IL1RAPL2: variants seen among roughly 807,000 people sequenced by gnomAD.
The protein encoded by IL1RAPL2 is interleukin 1 receptor accessory protein like 2.
IL1RAPL2 carries 3 observed loss-of-function variants against 44.1 expected under a neutral mutation model. The ratio of observed to expected loss-of-function variants is 0.07; its 90% CI spans 0.03 to 0.18. The LOEUF (loss-of-function observed/expected upper bound fraction) is 0.18. IL1RAPL2 is among the 10% of genes least tolerant of loss of function. The pLI is 1.00. For synonymous variants in IL1RAPL2, 181 were observed against 178.8 expected, an observed-to-expected ratio of 1.01 and a Z score of -0.10; for missense variants, 391 against 496.4, an observed-to-expected ratio of 0.79 and a Z score of 2.02.
chrX:105,220,985 G>A (rs2033957281), intron 3 of IL1RAPL2, among the ~76,000 whole-genome samples: 1 of 112,146 alleles, frequency 8.9e-6, no homozygotes, highest in South Asian at 3.7e-4. Context: ...CCTAGAGGTT[G>A]AAGGGGGAAT....
Position 104,988,207 on chromosome X carries a change from C to G in IL1RAPL2, c.83-207268C>G, listed in dbSNP as rs745767473. Among the ~76,000 whole-genome samples, 7 of 112,358 alleles carry G rather than the reference C, an allele frequency of 6.2e-5. No homozygotes were observed. In the South Asian group the frequency reaches 2.6e-3, roughly 41 times the overall value. On this transcript the variant is annotated intron_variant, in intron 2 of 10. Transcript: ENST00000372582. ...TGTTTTCATCACTGTCACATCAACT[C>G]AGCATTTTCTTGTCATCTTTCAGTT... is the stretch of plus-strand genomic sequence containing the variant.
At chrX:104,748,243 C>G (rs982577049) in intron 2 of IL1RAPL2, among the ~76,000 whole-genome samples, 1 of 111,559 alleles carries the variant, frequency 9.0e-6, no homozygotes, top group Non-Finnish European at 1.9e-5. Flanking sequence ...GGTAAGGATT[C>G]AATCTTTGAA....
chrX:104,826,751 CTT>C (rs1402442589), intron 2 of IL1RAPL2, among the ~76,000 whole-genome samples: 1 of 109,976 alleles, frequency 9.1e-6, no homozygotes, highest in African/African-American at 3.3e-5. Flanking sequence ...GTCTAAGTCT[CTT>C]TGTAGGTCTT....
intron 5 of IL1RAPL2, among the ~76,000 whole-genome samples, chrX:105,445,454 T>C (rs2035948217): frequency 9.0e-6 from 1 of 111,630 alleles, no homozygotes; most frequent in African/African-American, 3.3e-5. Flanking sequence ...TTTGGTTTGC[T>C]CTCACTTTTG....
At chrX:105,707,638 G>A (rs2038175778) in intron 6 of IL1RAPL2, among the ~76,000 whole-genome samples, 1 of 111,819 alleles carries the variant, frequency 8.9e-6, no homozygotes, top group Non-Finnish European at 1.9e-5. Flanking sequence ...CACTTACAAT[G>A]TTTGTGGCTT....
At chrX:105,214,074 A>G (rs1254369921) in intron 3 of IL1RAPL2, among the ~76,000 whole-genome samples, 1 of 105,178 alleles carries the variant, frequency 9.5e-6, no homozygotes. Context: ...AATGTGCAAA[A>G]TAACCGGCCA....
At chrX:104,882,950 C>T (rs1275964229) in intron 2 of IL1RAPL2, among the ~76,000 whole-genome samples, 8 of 111,215 alleles carry the variant, frequency 7.2e-5, no homozygotes, top group East Asian at 5.7e-4. Context: ...CGAAGGTCTG[C>T]GGCTTCACTC....
intron 3 of IL1RAPL2, among the ~76,000 whole-genome samples, chrX:105,215,557 C>T (rs1483370749): frequency 8.9e-6 from 1 of 112,061 alleles, no homozygotes; most frequent in East Asian, 2.8e-4. Context: ...ACCATTTCTT[C>T]TGCAACTATT....
chrX:105,730,652 C>A, intron 7 of IL1RAPL2, among the ~76,000 whole-genome samples: 1 of 111,039 alleles, frequency 9.0e-6, no homozygotes, highest in Middle Eastern at 4.6e-3. Context: ...AAATTGAAAT[C>A]ATATCAAGTA....
chrX:105,635,134 T>C (rs878960719), intron 6 of IL1RAPL2, among the ~76,000 whole-genome samples: 2 of 111,584 alleles, frequency 1.8e-5, no homozygotes, highest in Admixed American at 1.9e-4. Context: ...GTTTAGAGGA[T>C]TGCAAATGGT....
At chrX:104,855,681 G>GTTTTTTTTTTTTTTTTTTTTTTTTTT (rs1556002120) in intron 2 of IL1RAPL2, among the ~76,000 whole-genome samples, 2 of 53,863 alleles carry the variant, frequency 3.7e-5, no homozygotes, top group African/African-American at 1.2e-4. Context: ...ATCTGGATCC[G>GTTTTTTTTTTTTTTTTTTTTTTTTTT]TTTTTTTTTT....
At position 104,781,842 on chromosome X, in the gene IL1RAPL2, G is replaced by A. The variant is rs1026337895; in HGVS notation, c.82+122847G>A. Among the ~76,000 whole-genome samples, 26 of 111,716 alleles carry A rather than the reference G, an allele frequency of 2.3e-4. 1 individual carries two copies. In the Admixed American group the frequency reaches 2.5e-3, roughly 11 times the overall value. ...GTGGTCCAAATGTTGGTTTTCCCCC[G>A]AAATTCACATGTTGGAACCTAATAC... On this transcript the variant is annotated intron_variant, in intron 2 of 10. Coordinates refer to ENST00000372582, the MANE Select transcript of IL1RAPL2 (RefSeq NM_017416.2).
chrX:105,359,546 A>C (rs1465957959), intron 5 of IL1RAPL2, among the ~76,000 whole-genome samples: 1 of 111,094 alleles, frequency 9.0e-6, no homozygotes, highest in East Asian at 2.8e-4. Flanking sequence ...CCATGAAAAC[A>C]GTATTAGAGC....
intron 2 of IL1RAPL2, among the ~76,000 whole-genome samples, chrX:104,983,305 T>A (rs2030477945): frequency 9.5e-6 from 1 of 105,117 alleles, no homozygotes; most frequent in Non-Finnish European, 1.9e-5. Flanking sequence ...CCATTTTTAT[T>A]AGAAGCTAGA....
chrX:105,129,565 T>G (rs976404822), intron 2 of IL1RAPL2, among the ~76,000 whole-genome samples: 16 of 111,056 alleles, frequency 1.4e-4, no homozygotes, highest in African/African-American at 4.9e-4. Flanking sequence ...ATAGAAAGAC[T>G]GCAGGGGTTT....
chrX:105,431,856 A>G (rs1260623593), intron 5 of IL1RAPL2, among the ~76,000 whole-genome samples: 1 of 111,572 alleles, frequency 9.0e-6, no homozygotes, highest in East Asian at 2.8e-4. Context: ...CAAATTTCAG[A>G]GAGAGAAGAG....
intron 5 of IL1RAPL2, among the ~76,000 whole-genome samples, chrX:105,297,186 G>C (rs960230418): frequency 4.5e-4 from 50 of 111,717 alleles, no homozygotes; most frequent in African/African-American, 1.5e-3. Context: ...AAAGCCCTGA[G>C]GTCAGAATGT....
intron 9 of IL1RAPL2, chrX:105,752,961 T>C (rs774257143): frequency 3.0e-6 from 1 of 330,765 alleles, no homozygotes. Flanking sequence ...TTTCAACGAA[T>C]GGTGTGCTTC....
At chrX:105,228,778 T>C (rs1278464540) in intron 3 of IL1RAPL2, among the ~76,000 whole-genome samples, 1 of 112,042 alleles carries the variant, frequency 8.9e-6, no homozygotes, top group African/African-American at 3.2e-5. Context: ...TCTGAGAGTA[T>C]CCAGGGGCTA....
Sources: allele counts gnomAD v4.1 joint callset (sites outside exome capture counted in the v4.1 genomes callset), GRCh38; gene constraint gnomAD v4.1.1; transcripts MANE v1.5; gene names NCBI Gene and HGNC (gene_info 2026-07-23, HGNC 2026-07-21).